The following SERBP1 variants were observed in gnomAD, a reference collection of about 807,000 sequenced individuals.
SERBP1 encodes SERPINE1 mRNA binding protein 1.
Under a neutral mutation model 50.2 loss-of-function variants are expected in SERBP1, and 6 were observed. The observed-to-expected ratio is 0.12, with a 90% CI of 0.07 to 0.24. The LOEUF is 0.24. Among genes scored for constraint, SERBP1 ranks in the 10% least tolerant of loss-of-function variants. The pLI, the probability that SERBP1 is intolerant of heterozygous loss-of-function variation, is 1.00. For synonymous variants in SERBP1, 168 were observed against 182.8 expected (o/e 0.92, Z 0.65); for missense variants, 346 against 524.9 (o/e 0.66, Z 3.33).
At chr1:67,425,672 T>C (rs1570303228) in intron 2 of SERBP1, among the ~76,000 whole-genome samples, 1 of 152,226 alleles carries the variant, frequency 6.6e-6, no homozygotes, top group Admixed American at 6.5e-5. Flanking sequence ...ACAAAGTGTT[T>C]CCATTACAAG....
chr1:67,411,442 T>C lies in SERBP1; in HGVS notation c.*1765A>G, dbSNP rs901355236. 2 of 152,206 alleles carry C rather than the reference T, an allele frequency of 1.3e-5. No homozygotes were observed. The highest frequency in any genetic ancestry group is 4.8e-5 in the African/African-American group (2 of 41,468). The allele number at this position is 152,206 out of a possible 1,614,324, so 9.4% of individuals were successfully genotyped here. On this transcript the variant is annotated 3_prime_UTR_variant, in exon 8 of 8. Coordinates refer to ENST00000361219, the MANE Select transcript of SERBP1 (RefSeq NM_001018069.2). ...ATGAACAATGGGTCAATAGTTCATA[T>C]GGACTAAATTAATCTCTGGGTAGCA...
intron 1 of SERBP1, among the ~76,000 whole-genome samples, chr1:67,427,661 C>T (rs1667431629): frequency 6.6e-6 from 1 of 152,146 alleles, no homozygotes; most frequent in African/African-American, 2.4e-5. Flanking sequence ...AGTTATGGAA[C>T]CAGTCCTTGC....
At chr1:67,428,746 A>C (rs1289138234) in intron 1 of SERBP1, among the ~76,000 whole-genome samples, 1 of 152,046 alleles carries the variant, frequency 6.6e-6, no homozygotes, top group Non-Finnish European at 1.5e-5. Context: ...AAAAAAAAAA[A>C]AAAAAACCCT....
At chr1:67,427,813 C>T (rs1667437748) in intron 1 of SERBP1, among the ~76,000 whole-genome samples, 1 of 152,176 alleles carries the variant, frequency 6.6e-6, no homozygotes, top group Non-Finnish European at 1.5e-5. Context: ...TTTTGATATA[C>T]TTATCTATAA....
At chr1:67,429,123 A>C (rs1667482214) in intron 1 of SERBP1, among the ~76,000 whole-genome samples, 1 of 152,096 alleles carries the variant, frequency 6.6e-6, no homozygotes, top group Non-Finnish European at 1.5e-5. Flanking sequence ...GGAAAAAAAA[A>C]ACTGCGAACT....
intron 1 of SERBP1, chr1:67,429,383 C>CT (rs1241682612): frequency 1.3e-5 from 2 of 152,334 alleles, no homozygotes; most frequent in African/African-American, 4.8e-5. Flanking sequence ...TGAGAAAGTC[C>CT]TAACAGTTGA....
At chr1:67,427,088 A>G (rs1281218672) in intron 1 of SERBP1, among the ~76,000 whole-genome samples, 3 of 152,194 alleles carry the variant, frequency 2.0e-5, no homozygotes, top group African/African-American at 4.8e-5. Context: ...CTTATTATGC[A>G]TGGAGAGAGT....
chr1:67,430,115 G>A lies in SERBP1; in HGVS notation c.186C>T (p.Asn62=), dbSNP rs969048403. Residue 62 remains asparagine, a synonymous_variant, in exon 1 of 8, where the codon AAC becomes AAT. Transcript: ENST00000361219. ...GCAGCTGTTTGCCTGCCGCGTTGGA[G>A]TTGGTCTGGGCCGCGGCCTGAGCTG... ...KSAAQAAAQT[N]SNAAGKQLRK... is the part of the protein sequence containing the mutation. 35 of 1,612,192 alleles carry A rather than the reference G, an allele frequency of 2.2e-5. No homozygotes were observed. Among genetic ancestry groups the A allele is most frequent in the Non-Finnish European group, 2.7e-5 (32 of 1,179,834 alleles).
intron 6 of SERBP1, among the ~76,000 whole-genome samples, chr1:67,415,728 G>A (rs1254276245): frequency 6.6e-6 from 1 of 152,096 alleles, no homozygotes. Context: ...GAAGACCTCT[G>A]GAGAGATGAC....
intron 5 of SERBP1, among the ~76,000 whole-genome samples, chr1:67,422,253 C>A (rs1432359981): frequency 1.3e-5 from 2 of 152,166 alleles, no homozygotes. Context: ...GCAGCTCACG[C>A]CTGTAATCCC....
intron 6 of SERBP1, among the ~76,000 whole-genome samples, chr1:67,415,908 G>C (rs1409399232): frequency 6.6e-6 from 1 of 151,852 alleles, no homozygotes; most frequent in Non-Finnish European, 1.5e-5. Flanking sequence ...ACACAAATTG[G>C]AGAGCTACAA....
rs1301981247 is a variant in SERBP1, at chr1:67,425,202, A to T, written c.486T>A (p.Ile162=). ...CTCTTCCAAGACCACCACGACCTCG[A>T]ATAGGTCGGTCAATAATCGGTCTAT... ...SVDRPIIDRP[I]RGRGGLGRGR... is the part of the protein sequence containing the mutation. Residue 162 remains isoleucine, a synonymous_variant, in exon 3 of 8, where the codon ATT becomes ATA. Transcript: ENST00000361219. 5.0e-6 allele frequency: 8 copies of T among 1,608,656 alleles called. No homozygotes were observed. Among genetic ancestry groups the T allele is most frequent in the Non-Finnish European group, 6.8e-6 (8 of 1,178,836 alleles).
At position 67,426,246 on chromosome 1, in the gene SERBP1, T is replaced by C. The variant is rs777583913; in HGVS notation, c.353A>G (p.Gln118Arg). 1.2e-5 allele frequency: 20 copies of C among 1,604,562 alleles called. No homozygotes were observed. The South Asian group carries it at 2.2e-4, about 18-fold the overall frequency. ...RVGRRPDQQL[Q>R]GEGKIIDRRP... ...TCTATCAATTATTTTCCCTTCACCC[T>C]GAAGTTGTTGATCAGGTCTTCTTCC... The change falls in exon 2 of 8, where the codon CAG (glutamine) becomes CGG (arginine). Residue 118 changes from glutamine to arginine, a missense_variant. Transcript: ENST00000361219.
At position 67,424,873 on chromosome 1, in the gene SERBP1, A is replaced by T. The variant is rs1406939141; in HGVS notation, c.695+15T>A. ...TAGTTAGGTATAGAATTTTTAAGAA[A>T]ATCAGAATACCAACGTTAATTCGTC... On this transcript the variant is annotated intron_variant, in intron 4 of 7. Coordinates refer to ENST00000361219, the MANE Select transcript of SERBP1 (RefSeq NM_001018069.2). The T allele has an allele frequency of 6.2e-7, 1 of 1,606,128 alleles. No individual in the cohort carries two copies. Among genetic ancestry groups the T allele is most frequent in the East Asian group, 2.2e-5 (1 of 44,856 alleles).
At chr1:67,424,608 T>C (rs1323032655) in intron 4 of SERBP1, among the ~76,000 whole-genome samples, 2 of 152,170 alleles carry the variant, frequency 1.3e-5, no homozygotes, top group African/African-American at 4.8e-5. Flanking sequence ...TTAAGGACAC[T>C]AAGATAATCA....
intron 6 of SERBP1, among the ~76,000 whole-genome samples, chr1:67,418,654 G>A (rs1195938706): frequency 6.6e-6 from 1 of 152,068 alleles, no homozygotes; most frequent in Non-Finnish European, 1.5e-5. Flanking sequence ...AGCTACTGAG[G>A]AGGTTGAGAC....
intron 5 of SERBP1, among the ~76,000 whole-genome samples, chr1:67,422,329 A>G (rs1333817046): frequency 6.6e-6 from 1 of 151,956 alleles, no homozygotes; most frequent in Admixed American, 6.6e-5. Flanking sequence ...CCTGACCAAC[A>G]TGGAGAAACC....
chr1:67,430,289 G>A lies in SERBP1; in HGVS notation c.12C>T (p.His4=), dbSNP rs753076558. ...CCACGCAGCCGAAGCCTTCCTGTAAGTGCCCAGGCATGATGGTGGCTCGGC... is the reference window on the plus strand; with the variant it reads ...CCACGCAGCCGAAGCCTTCCTGTAAATGCCCAGGCATGATGGTGGCTCGGC... MPG[H]LQEGFGCVVT... is the part of the protein sequence containing the mutation. The change falls in exon 1 of 8, where the codon CAC becomes CAT. Residue 4 remains histidine (H), a synonymous_variant. Transcript: ENST00000361219. The A allele has an allele frequency of 6.5e-7, 1 of 1,528,750 alleles. No individual in the cohort carries two copies. Among genetic ancestry groups the A allele is most frequent in the African/African-American group, 1.4e-5 (1 of 71,176 alleles). 94.7% of individuals were successfully genotyped at this position (1,528,750 alleles called of 1,614,324 possible).
At chr1:67,415,961 T>C (rs1666990730) in intron 6 of SERBP1, among the ~76,000 whole-genome samples, 1 of 152,068 alleles carries the variant, frequency 6.6e-6, no homozygotes, top group Admixed American at 6.5e-5. Flanking sequence ...GAGGGGAATC[T>C]TGTAAAGCTA....
Sources: allele counts gnomAD v4.1 joint callset (sites outside exome capture counted in the v4.1 genomes callset), GRCh38; gene constraint gnomAD v4.1.1; transcripts MANE v1.5; gene names NCBI Gene and HGNC (gene_info 2026-07-23, HGNC 2026-07-21).